TPH2: variants seen among roughly 807,000 people sequenced by gnomAD.
TPH2 encodes tryptophan hydroxylase 2.
In TPH2, 27 loss-of-function variants were observed where a neutral mutation model predicts 59.1. That is an observed-to-expected ratio of 0.46 (90% CI 0.34 to 0.63). The LOEUF is 0.63. TPH2 is among the 30% of genes least tolerant of loss of function. The pLI, the probability that TPH2 is intolerant of heterozygous loss-of-function variation, is 0.01. For synonymous variants in TPH2, 220 were observed against 210.5 expected, an observed-to-expected ratio of 1.05 and a Z score of -0.39; for missense variants, 523 against 588.3, an observed-to-expected ratio of 0.89 and a Z score of 1.15.
intron 8 of TPH2, among the ~76,000 whole-genome samples, chr12:71,996,702 G>A (rs376358821): frequency 6.6e-6 from 1 of 152,124 alleles, no homozygotes; most frequent in Non-Finnish European, 1.5e-5. Context: ...GTGAACATGG[G>A]CATCTAAATA....
rs1488381067 is a variant in TPH2, at chr12:72,029,758, G to A, written c.1165-1500G>A. Reference sequence around the variant, plus strand: ...TTATCTGGACAATGGAACTTTGCAGGAAAGCAAATCACATGCAGGGTGCCC... The same window carrying A: ...TTATCTGGACAATGGAACTTTGCAGAAAAGCAAATCACATGCAGGGTGCCC... On this transcript the variant is annotated intron_variant, in intron 9 of 10. Coordinates refer to ENST00000333850, the MANE Select transcript of TPH2 (RefSeq NM_173353.4). Among the ~76,000 whole-genome samples the A allele has an allele frequency of 3.9e-5, 6 of 152,152 alleles. No homozygotes were observed. The South Asian group carries it at 1.0e-3, about 26-fold the overall frequency.
intron 5 of TPH2, chr12:71,961,995 A>G (rs942779914): frequency 9.7e-7 from 1 of 1,033,214 alleles, no homozygotes. Flanking sequence ...ACGAAAATTC[A>G]TGTGTGCAAA....
At chr12:71,994,359 T>G in intron 7 of TPH2, 80 bp from the exon 8 acceptor site, 2 of 1,505,162 alleles carry the variant, frequency 1.3e-6, no homozygotes, top group Non-Finnish European at 9.2e-7. Flanking sequence ...AAGGTCTTAT[T>G]TAGGTTTTTA....
At chr12:71,942,506 G>C (rs1439857465) in intron 2 of TPH2, among the ~76,000 whole-genome samples, 1 of 152,196 alleles carries the variant, frequency 6.6e-6, no homozygotes, top group African/African-American at 2.4e-5. Flanking sequence ...GATGCCTTGG[G>C]CTGCTAGTGC....
chr12:72,007,569 G>A (rs1339454719), intron 8 of TPH2, among the ~76,000 whole-genome samples: 3 of 152,122 alleles, frequency 2.0e-5, no homozygotes, highest in African/African-American at 7.2e-5. Flanking sequence ...GAAGAGTTCT[G>A]AAAGATGTTG....
chr12:72,018,636 T>C (rs1030308788), intron 8 of TPH2, among the ~76,000 whole-genome samples: 2 of 152,178 alleles, frequency 1.3e-5, no homozygotes, highest in African/African-American at 2.4e-5. Flanking sequence ...TTGAATTTGA[T>C]AGCACATTTT....
At chr12:72,011,254 G>A (rs1251532955) in intron 8 of TPH2, among the ~76,000 whole-genome samples, 2 of 152,218 alleles carry the variant, frequency 1.3e-5, no homozygotes, top group South Asian at 2.1e-4. Context: ...GGTCCAATGA[G>A]TGAGACTGCT....
intron 9 of TPH2, among the ~76,000 whole-genome samples, chr12:72,026,012 T>C (rs1204689651): frequency 6.6e-6 from 1 of 152,196 alleles, no homozygotes; most frequent in Admixed American, 6.5e-5. Context: ...CTTTGTTGAG[T>C]CCAGTTCTCT....
At chr12:72,026,016 G>C (rs1873558742) in intron 9 of TPH2, among the ~76,000 whole-genome samples, 1 of 152,200 alleles carries the variant, frequency 6.6e-6, no homozygotes, top group Non-Finnish European at 1.5e-5. Flanking sequence ...GTTGAGTCCA[G>C]TTCTCTTGGA....
At chr12:71,981,314 G>A (rs929023501) in intron 7 of TPH2, among the ~76,000 whole-genome samples, 1 of 152,222 alleles carries the variant, frequency 6.6e-6, no homozygotes, top group Non-Finnish European at 1.5e-5. Context: ...ATGACCATTT[G>A]TCAAACTAGG....
chr12:71,974,705 A>G (rs1191526036), intron 6 of TPH2, among the ~76,000 whole-genome samples: 3 of 151,972 alleles, frequency 2.0e-5, no homozygotes, highest in African/African-American at 7.3e-5. Context: ...GCCTACCACA[A>G]TCTCCCCCTA....
At chr12:71,944,776 T>C in intron 4 of TPH2, 90 bp downstream of exon 4, 1 of 1,158,360 alleles carries the variant, frequency 8.6e-7, no homozygotes, top group South Asian at 1.2e-5. Flanking sequence ...TGCAATGCTT[T>C]ATTATAGAAC....
intron 8 of TPH2, among the ~76,000 whole-genome samples, chr12:72,018,011 C>A (rs1388349766): frequency 6.6e-6 from 1 of 152,174 alleles, no homozygotes; most frequent in Non-Finnish European, 1.5e-5. Context: ...TTGCTAATAA[C>A]TTAATTTCAG....
At chr12:71,940,566 A>G (rs1023018368) in intron 1 of TPH2, among the ~76,000 whole-genome samples, 1 of 152,202 alleles carries the variant, frequency 6.6e-6, no homozygotes, top group Non-Finnish European at 1.5e-5. Context: ...AGTTACTTCT[A>G]TGTCTGCCCA....
intron 8 of TPH2, among the ~76,000 whole-genome samples, chr12:72,005,218 TGCTCATCA>T (rs1872922240): frequency 6.6e-6 from 1 of 151,788 alleles, no homozygotes; most frequent in Non-Finnish European, 1.5e-5. Context: ...GTGAGGGGGG[TGCTCATCA>T]TTTTTTTCAG....
chr12:71,952,739 C>T (rs751823558), intron 5 of TPH2, among the ~76,000 whole-genome samples: 20 of 152,174 alleles, frequency 1.3e-4, no homozygotes, highest in Non-Finnish European at 2.6e-4. Flanking sequence ...GCCAGATGTG[C>T]AACCTCATTG....
At chr12:71,971,266 T>C (rs1275515669) in intron 5 of TPH2, among the ~76,000 whole-genome samples, 1 of 152,224 alleles carries the variant, frequency 6.6e-6, no homozygotes, top group Non-Finnish European at 1.5e-5. Context: ...GCACAACTCC[T>C]AGTTTTACGT....
At chr12:71,999,610 T>C (rs1459900434) in intron 8 of TPH2, among the ~76,000 whole-genome samples, 1 of 152,212 alleles carries the variant, frequency 6.6e-6, no homozygotes, top group Non-Finnish European at 1.5e-5. Flanking sequence ...AACTTAAATG[T>C]TACTTCATTG....
chr12:71,951,940 G>A (rs1302963965), intron 5 of TPH2, among the ~76,000 whole-genome samples: 4 of 152,130 alleles, frequency 2.6e-5, no homozygotes, highest in African/African-American at 4.8e-5. Context: ...CAGGAGAATC[G>A]CTTGAACCTG....
Sources: gnomAD v4.1 joint callset for allele counts (sites outside exome capture counted in the v4.1 genomes callset) on GRCh38, gnomAD v4.1.1 for gene constraint, MANE v1.5 for transcripts, NCBI Gene and HGNC (gene_info 2026-07-23, HGNC 2026-07-21) for gene names.